Variants in LIPI observed in about 807,000 individuals in gnomAD.
LIPI encodes the protein lipase member I.
LIPI carries 59 observed loss-of-function variants against 50.6 expected under a neutral mutation model. The observed-to-expected ratio is 1.16, with a 90% confidence interval of 0.94 to 1.45. The LOEUF is 1.45. Ranked by LOEUF, LIPI falls within the 40% of genes most tolerant of loss-of-function variation. The pLI, the probability that LIPI is intolerant of heterozygous loss-of-function variation, is 0.00. For missense variants in LIPI, 586 were observed against 536.3 expected (o/e 1.09, Z -0.92); for synonymous variants, 203 against 178.2 (o/e 1.14, Z -1.11).
chr21:14,158,854 A>T (rs890844580), intron 7 of LIPI, among the ~76,000 whole-genome samples: 4 of 151,236 alleles, frequency 2.6e-5, no homozygotes, highest in East Asian at 1.9e-4. Flanking sequence ...GATAAATTTT[A>T]AAAAACCTAC....
intron 9 of LIPI, among the ~76,000 whole-genome samples, chr21:14,137,926 A>T (rs59554421): frequency 0.17 from 25,406 of 152,154 alleles, 2,328 homozygotes; most frequent in South Asian, 0.23. Flanking sequence ...AGTGGAAACC[A>T]TGTAGGCCAG....
chr21:14,163,667 A>G (rs1236012183), intron 6 of LIPI, 144 bp from the exon 7 acceptor site: 3 of 616,604 alleles, frequency 4.9e-6, no homozygotes, highest in African/African-American at 3.7e-5. Context: ...GCATTTTTTC[A>G]AATAATGTAG....
chr21:14,196,605 T>C (rs764578188), intron 1 of LIPI, among the ~76,000 whole-genome samples: 1 of 152,084 alleles, frequency 6.6e-6, no homozygotes, highest in African/African-American at 2.4e-5. Context: ...GGCAGGAGAA[T>C]AGCTGGAGGC....
intron 9 of LIPI, among the ~76,000 whole-genome samples, chr21:14,122,307 A>C (rs1034018199): frequency 6.6e-6 from 1 of 152,208 alleles, no homozygotes; most frequent in African/African-American, 2.4e-5. Flanking sequence ...TCTATGACCC[A>C]AGTCATGGGC....
At chr21:14,130,859 C>T (rs1210140457) in intron 9 of LIPI, among the ~76,000 whole-genome samples, 1 of 152,212 alleles carries the variant, frequency 6.6e-6, no homozygotes, top group Non-Finnish European at 1.5e-5. Context: ...TGCATTGCTC[C>T]ACCACCACTC....
chr21:14,116,711 C>T (rs1474452343), intron 9 of LIPI, among the ~76,000 whole-genome samples: 3 of 152,086 alleles, frequency 2.0e-5, no homozygotes, highest in Admixed American at 6.6e-5. Context: ...CTGATCAGTT[C>T]CCATACATAG....
At chr21:14,124,430 A>G (rs1490846862) in intron 9 of LIPI, among the ~76,000 whole-genome samples, 2 of 152,116 alleles carry the variant, frequency 1.3e-5, no homozygotes, top group East Asian at 1.9e-4. Flanking sequence ...CCGCCCCGGT[A>G]GAATACTAAC....
intron 1 of LIPI, among the ~76,000 whole-genome samples, chr21:14,191,242 T>C (rs148380023): frequency 0.035 from 5,278 of 150,934 alleles, 262 homozygotes; most frequent in East Asian, 0.26. Flanking sequence ...CCGGGCGTAG[T>C]GGCGGGCGCC....
At chr21:14,127,312 G>A (rs547883715) in intron 9 of LIPI, among the ~76,000 whole-genome samples, 221 of 152,246 alleles carry the variant, frequency 1.5e-3, no homozygotes, top group African/African-American at 4.3e-3. Context: ...GCAAATAGAT[G>A]GTTTCAGCAA....
At chr21:14,177,043 A>G (rs1014449149) in intron 4 of LIPI, among the ~76,000 whole-genome samples, 3 of 152,116 alleles carry the variant, frequency 2.0e-5, no homozygotes, top group Admixed American at 2.0e-4. Flanking sequence ...CTATTAGATC[A>G]ATTGTGTTAA....
intron 8 of LIPI, among the ~76,000 whole-genome samples, chr21:14,152,071 TTTTA>T (rs71819029): frequency 0.33 from 47,851 of 143,236 alleles, 8,691 homozygotes; most frequent in African/African-American, 0.48. Context: ...CTTTAACTTA[TTTTA>T]TTTATTTATT....
At chr21:14,116,955 C>T (rs2016669818) in intron 9 of LIPI, among the ~76,000 whole-genome samples, 2 of 152,138 alleles carry the variant, frequency 1.3e-5, no homozygotes, top group Admixed American at 1.3e-4. Flanking sequence ...TCTGGCAAGG[C>T]TTAGGCGGGA....
chr21:14,176,685 T>C (rs2123221305), intron 4 of LIPI, among the ~76,000 whole-genome samples: 1 of 151,502 alleles, frequency 6.6e-6, no homozygotes, highest in South Asian at 2.1e-4. Flanking sequence ...ATATTGTTTT[T>C]TTTTCAGATA....
At chr21:14,194,835 T>C (rs1171369094) in intron 1 of LIPI, among the ~76,000 whole-genome samples, 4 of 152,146 alleles carry the variant, frequency 2.6e-5, no homozygotes, top group South Asian at 2.1e-4. Flanking sequence ...TTTGACACAA[T>C]TGAAAGAAAA....
chr21:14,176,942 C>T (rs1160389407), intron 4 of LIPI, among the ~76,000 whole-genome samples: 1 of 151,988 alleles, frequency 6.6e-6, no homozygotes, highest in Non-Finnish European at 1.5e-5. Flanking sequence ...ATTTTTAAGG[C>T]TCAGTATATG....
chr21:14,120,581 A>C (rs1284575728), intron 9 of LIPI, among the ~76,000 whole-genome samples: 1 of 152,228 alleles, frequency 6.6e-6, no homozygotes, highest in Non-Finnish European at 1.5e-5. Flanking sequence ...ACAGAAAAGC[A>C]GACAAAGAAG....
intron 7 of LIPI, among the ~76,000 whole-genome samples, chr21:14,154,920 T>G (rs1407099625): frequency 1.3e-5 from 2 of 151,996 alleles, no homozygotes; most frequent in African/African-American, 2.4e-5. Flanking sequence ...TTGCCCATAA[T>G]ACCAAGAACA....
intron 9 of LIPI, 53 bp from the exon 10 acceptor site, chr21:14,109,133 A>T: frequency 2.9e-6 from 4 of 1,378,736 alleles, no homozygotes; most frequent in South Asian, 1.2e-5. Context: ...GTAAAACAAC[A>T]GAGTTGATTT....
At chr21:14,193,883 A>G (rs916318652) in intron 1 of LIPI, among the ~76,000 whole-genome samples, 4 of 152,180 alleles carry the variant, frequency 2.6e-5, no homozygotes, top group Non-Finnish European at 5.9e-5. Flanking sequence ...TTAATCATAT[A>G]TCTGATATGG....
Sources: gnomAD v4.1 joint callset for allele counts (sites outside exome capture counted in the v4.1 genomes callset) on GRCh38, gnomAD v4.1.1 for gene constraint, MANE v1.5 for transcripts, NCBI Gene and HGNC (gene_info 2026-07-23, HGNC 2026-07-21) for gene names.